Variants in BFSP1 observed in about 807,000 individuals in gnomAD.
The protein encoded by BFSP1 is beaded filament structural protein 1.
In BFSP1, 38 loss-of-function variants were observed where a neutral mutation model predicts 43.9. The observed-to-expected ratio is 0.87, with a 90% confidence interval of 0.67 to 1.14. BFSP1 has a LOEUF of 1.14. BFSP1 is among the 50% of genes most tolerant of loss of function. BFSP1 has a pLI of 0.00. For missense variants in BFSP1, 850 were observed against 875.1 expected (o/e 0.97, Z 0.36); for synonymous variants, 352 against 354.8 (o/e 0.99, Z 0.09).
intron 5 of BFSP1, among the ~76,000 whole-genome samples, chr20:17,506,556 T>C (rs979701838): frequency 1.2e-4 from 18 of 150,968 alleles, no homozygotes; most frequent in African/African-American, 4.4e-4. Context: ...CGGGGTCTCA[T>C]TCTGTTGCCC....
intron 2 of BFSP1, chr20:17,516,993 G>C (rs1437208565): frequency 1.3e-5 from 10 of 763,352 alleles, no homozygotes; most frequent in Non-Finnish European, 1.9e-5. Flanking sequence ...CAAGCAACTG[G>C]AGGATGGATG....
intron 1 of BFSP1, among the ~76,000 whole-genome samples, chr20:17,539,774 A>T (rs1187100761): frequency 6.6e-6 from 1 of 152,100 alleles, no homozygotes; most frequent in Non-Finnish European, 1.5e-5. Context: ...TCAAAAAAAA[A>T]GACAAAAATT....
In BFSP1 at chr20:17,494,749, A is replaced by G. The variant is rs758165568; in HGVS notation, c.1323T>C (p.Phe441=). ...VPDGGQISKG[F]GKLYRKVKEK... is the part of the protein sequence containing the mutation. Reference sequence around the variant, plus strand: ...CCTTGACCTTCCTGTATAGTTTCCCAAAGCCTTTGCTTATCTGCCCTCCAT... The same window carrying G: ...CCTTGACCTTCCTGTATAGTTTCCCGAAGCCTTTGCTTATCTGCCCTCCAT... Residue 441 remains phenylalanine, a synonymous_variant, in exon 8 of 8, where the codon TTT becomes TTC. Coordinates refer to ENST00000377873, the MANE Select transcript of BFSP1 (RefSeq NM_001195.5). The G allele has an allele frequency of 1.2e-6, 2 of 1,614,102 alleles. No homozygotes were observed. Among genetic ancestry groups the G allele is most frequent in the Non-Finnish European group, 1.7e-6 (2 of 1,180,012 alleles).
At chr20:17,509,032 A>G in intron 4 of BFSP1, 36 bp from the exon 5 acceptor site, 8 of 1,468,210 alleles carry the variant, frequency 5.4e-6, no homozygotes, top group Non-Finnish European at 7.3e-6. Context: ...CTCATGGGAC[A>G]TGCAGAGAGG....
At chr20:17,516,837 A>T in intron 2 of BFSP1, 1 of 623,326 alleles carries the variant, frequency 1.6e-6, no homozygotes, top group South Asian at 1.9e-5. Flanking sequence ...TGGAGCTGCC[A>T]CCAAAATGCA....
At chr20:17,536,073 T>C (rs1045372532), upstream of BFSP1, among the ~76,000 whole-genome samples, 9 of 152,204 alleles carry the variant, frequency 5.9e-5, no homozygotes, top group East Asian at 1.7e-3. Flanking sequence ...TTAGCACACC[T>C]GGCCCCACCA....
At chr20:17,519,413 C>T (rs908555706) in intron 2 of BFSP1, among the ~76,000 whole-genome samples, 3 of 152,196 alleles carry the variant, frequency 2.0e-5, no homozygotes, top group Non-Finnish European at 4.4e-5. Context: ...CTCGATGCAA[C>T]ATGAGGGCTC....
intron 1 of BFSP1, among the ~76,000 whole-genome samples, chr20:17,565,096 C>T (rs895143183): frequency 6.6e-6 from 1 of 152,108 alleles, no homozygotes; most frequent in Non-Finnish European, 1.5e-5. Flanking sequence ...AAAGCTCTGT[C>T]AGACCCCTCT....
rs935791391 is a variant in BFSP1, at chr20:17,508,988, G to A, written c.636C>T (p.Leu212=). 2 of 1,583,306 alleles carry A rather than the reference G, an allele frequency of 1.3e-6. No homozygotes were observed. Among genetic ancestry groups the A allele is most frequent in the Non-Finnish European group, 8.6e-7 (1 of 1,166,252 alleles). ...GGGCGGCCACCTCCCGCTCCGTCAGGAGCTTCTCCTGCACAGAGAAGGCCA... is the reference window on the plus strand; with the variant it reads ...GGGCGGCCACCTCCCGCTCCGTCAGAAGCTTCTCCTGCACAGAGAAGGCCA... ...IVTSGMREEK[L]LTEREVAALR... is the part of the protein sequence containing the mutation. The change falls in exon 5 of 8, where the codon CTC becomes CTT. Residue 212 remains leucine, a synonymous_variant. Transcript: ENST00000377873.
chr20:17,550,585 C>T (rs896437731), intron 1 of BFSP1, among the ~76,000 whole-genome samples: 5 of 151,774 alleles, frequency 3.3e-5, no homozygotes, highest in African/African-American at 1.2e-4. Flanking sequence ...CTGCCTTAGC[C>T]TCCTGAGTAG....
At chr20:17,545,491 G>T (rs1001286952) in intron 1 of BFSP1, among the ~76,000 whole-genome samples, 1 of 152,242 alleles carries the variant, frequency 6.6e-6, no homozygotes, top group Non-Finnish European at 1.5e-5. Context: ...GGGCACGGTG[G>T]CTTATGCCTG....
At chr20:17,544,258 C>T (rs201928) in intron 1 of BFSP1, among the ~76,000 whole-genome samples, 71,386 of 151,982 alleles carry the variant, frequency 0.47, 17,760 homozygotes, top group African/African-American at 0.64. Context: ...AGGCAAGGGA[C>T]GCGAAGCTGG....
chr20:17,496,865 A>T, intron 7 of BFSP1, 73 bp downstream of exon 7: 1 of 1,285,308 alleles, frequency 7.8e-7, no homozygotes, highest in Non-Finnish European at 1.1e-6. Context: ...CATGAATGTT[A>T]AAGTCAGGAA....
intron 1 of BFSP1, among the ~76,000 whole-genome samples, chr20:17,543,608 A>G (rs1239736849): frequency 6.6e-6 from 1 of 152,192 alleles, no homozygotes; most frequent in Non-Finnish European, 1.5e-5. Context: ...CATTGGGTGA[A>G]TGCAGACTCA....
At chr20:17,503,216 G>A (rs1353345289) in intron 5 of BFSP1, among the ~76,000 whole-genome samples, 1 of 152,122 alleles carries the variant, frequency 6.6e-6, no homozygotes, top group Non-Finnish European at 1.5e-5. Flanking sequence ...TTTTTGTAGA[G>A]ACAAGGTCTA....
At chr20:17,502,713 T>A (rs2033833103) in intron 5 of BFSP1, among the ~76,000 whole-genome samples, 1 of 152,226 alleles carries the variant, frequency 6.6e-6, no homozygotes. Flanking sequence ...AAGAGTCCCC[T>A]TCCTGTTTCA....
chr20:17,499,242 A>AT lies in BFSP1; in HGVS notation c.736-203dup, dbSNP rs11339300. Among the ~76,000 whole-genome samples, 18,015 of 129,496 alleles carry AT rather than the reference A, an allele frequency of 0.14. 1,410 individuals carry two copies. Among genetic ancestry groups the AT allele is most frequent in the Middle Eastern group, 0.21 (51 of 244 alleles). The allele number at this position is 129,496 out of a possible 152,430, so 85.0% of individuals were successfully genotyped here. On this transcript the variant is annotated intron_variant, in intron 5 of 7. Transcript: ENST00000377873. Reference sequence around the variant, plus strand: ...AACTGAGCTCCTGTGTCCTTACACAATTTTTTTTTTTTTTTTTTTTGATAG... The same window carrying AT: ...AACTGAGCTCCTGTGTCCTTACACAATTTTTTTTTTTTTTTTTTTTTGATAG...
rs2033558460 is a variant in BFSP1 at position 17,494,046 on chromosome 20, A to G, written c.*28T>C. 6.4e-7 allele frequency: 1 copy of G among 1,567,448 alleles called. No individual in the cohort carries two copies. The highest frequency in any genetic ancestry group is 8.7e-7 in the Non-Finnish European group (1 of 1,151,556). On this transcript the variant is annotated 3_prime_UTR_variant, in exon 8 of 8. Transcript: ENST00000377873. The stretch of plus-strand genomic sequence containing the variant: ...CATTACCCCTACAGTGGCCCCAAAT[A>G]CATTTTATCCCATCAAGCCTGGGCA...
rs142782687 is a variant in BFSP1 at position 17,540,923 on chromosome 20, A to T, written c.3-16015T>A. ...GCACTTCACCATGCTTTGTTGATTCATTTGGCTCGTTAGATACTAGGAACG... is the reference window on the plus strand; with the variant it reads ...GCACTTCACCATGCTTTGTTGATTCTTTTGGCTCGTTAGATACTAGGAACG... On this transcript the variant is annotated intron_variant, in intron 1 of 7. Coordinates refer to the BFSP1 transcript ENST00000377868. 8 of 152,326 alleles carry T rather than the reference A, an allele frequency of 5.3e-5. No homozygotes were observed. The East Asian group carries it at 1.5e-3, about 29-fold the overall frequency. The allele number at this position is 152,326 out of a possible 1,614,324, so 9.4% of individuals were successfully genotyped here. A position where few individuals can be genotyped will look rare whatever the true frequency, so the allele number is the denominator to read the frequency against.
Sources: gnomAD v4.1 joint callset for allele counts (sites outside exome capture counted in the v4.1 genomes callset) on GRCh38, gnomAD v4.1.1 for gene constraint, MANE v1.5 for transcripts, NCBI Gene and HGNC (gene_info 2026-07-23, HGNC 2026-07-21) for gene names.